Variants in XKR4 observed in about 807,000 individuals in gnomAD.
The protein encoded by XKR4 is XK related 4.
A neutral mutation model predicts 53.9 loss-of-function variants in XKR4; 12 were observed. The ratio of observed to expected loss-of-function variants is 0.22; its 90% CI spans 0.14 to 0.36. The LOEUF (loss-of-function observed/expected upper bound fraction) is 0.36, where lower values mean the gene tolerates loss of function less well. XKR4 is among the 10% of genes least tolerant of loss of function. XKR4 has a pLI of 1.00. For synonymous variants in XKR4, 354 were observed against 362.4 expected, an observed-to-expected ratio of 0.98 and a Z score of 0.26; for missense variants, 799 against 859.5, an observed-to-expected ratio of 0.93 and a Z score of 0.88.
chr8:55,502,779 G>GAAATCACTGCC (rs1480992596), intron 2 of XKR4, among the ~76,000 whole-genome samples: 2 of 152,048 alleles, frequency 1.3e-5, no homozygotes, highest in Non-Finnish European at 2.9e-5. Flanking sequence ...TCATACCCAA[G>GAAATCACTGCC]AAATCACTGC....
Position 55,512,685 on chromosome 8 carries a change from G to A in XKR4, c.1007-10596G>A, listed in dbSNP as rs141484142. ...CATTTATGAGAGGAAAGAATTGAGA[G>A]AGGGATGGAGAGAGGAGGAAAAAGT... On this transcript the variant is annotated intron_variant, in intron 2 of 2. Transcript: ENST00000327381. 3.6e-4 allele frequency among the ~76,000 whole-genome samples: 55 copies of A among 152,314 alleles called. No homozygotes were observed. In the East Asian group the frequency reaches 8.3e-3, roughly 23 times the overall value.
intron 2 of XKR4, among the ~76,000 whole-genome samples, chr8:55,393,775 G>C (rs552762772): frequency 6.6e-6 from 1 of 152,124 alleles, no homozygotes; most frequent in Non-Finnish European, 1.5e-5. Context: ...ATAAACAAAC[G>C]TCCCTTTTAA....
chr8:55,143,939 C>A (rs1239947878), intron 1 of XKR4, among the ~76,000 whole-genome samples: 1 of 152,206 alleles, frequency 6.6e-6, no homozygotes, highest in Non-Finnish European at 1.5e-5. Flanking sequence ...TCTTACCAGA[C>A]TTCTATCTCT....
At position 55,541,548 on chromosome 8, in the gene XKR4, C is replaced by G. The variant is rs930619566; in HGVS notation, c.*17321C>G. On this transcript the variant is annotated 3_prime_UTR_variant, in exon 3 of 3. Coordinates refer to ENST00000327381, the MANE Select transcript of XKR4 (RefSeq NM_052898.2). Reference sequence around the variant, plus strand: ...TGCAAAAATGCCATTCCTGTGCTTCCCCCTCCATTACAGAATAAGGTCCGA... The same window carrying G: ...TGCAAAAATGCCATTCCTGTGCTTCGCCCTCCATTACAGAATAAGGTCCGA... The G allele has an allele frequency of 6.6e-6, 1 of 152,088 alleles. No individual in the cohort carries two copies. The highest frequency in any genetic ancestry group is 2.4e-5 in the African/African-American group (1 of 41,398). 9.4% of individuals were successfully genotyped at this position (152,088 alleles called of 1,614,324 possible).
At chr8:55,469,695 G>A (rs1200820909) in intron 2 of XKR4, among the ~76,000 whole-genome samples, 3 of 152,048 alleles carry the variant, frequency 2.0e-5, no homozygotes, top group Non-Finnish European at 2.9e-5. Flanking sequence ...AGAGCTGTAC[G>A]GAATCTTGGG....
At chr8:55,165,420 A>G (rs764750413) in intron 1 of XKR4, among the ~76,000 whole-genome samples, 40 of 152,044 alleles carry the variant, frequency 2.6e-4, no homozygotes, top group Admixed American at 1.2e-3. Context: ...AGCAAATAAG[A>G]TATTTTTGCC....
At chr8:55,203,972 G>T (rs1240763558) in intron 1 of XKR4, among the ~76,000 whole-genome samples, 1 of 152,122 alleles carries the variant, frequency 6.6e-6, no homozygotes, top group African/African-American at 2.4e-5. Flanking sequence ...TACATAAAGT[G>T]AATCCATAGT....
chr8:55,468,683 C>A (rs969250231), intron 2 of XKR4, among the ~76,000 whole-genome samples: 1 of 152,094 alleles, frequency 6.6e-6, no homozygotes, highest in Non-Finnish European at 1.5e-5. Context: ...ATATAAGTTT[C>A]TTAAACCTTC....
At chr8:55,333,485 T>C (rs1369817941) in intron 1 of XKR4, among the ~76,000 whole-genome samples, 3 of 152,136 alleles carry the variant, frequency 2.0e-5, no homozygotes, top group Admixed American at 6.6e-5. Context: ...TTCCCCCATA[T>C]ACATGGCTGC....
intron 1 of XKR4, among the ~76,000 whole-genome samples, chr8:55,337,202 C>A (rs567184229): frequency 6.6e-6 from 1 of 152,110 alleles, no homozygotes; most frequent in Non-Finnish European, 1.5e-5. Context: ...GTGTCTCCTA[C>A]TACCAAAATT....
chr8:55,503,373 G>A (rs1806474081), intron 2 of XKR4, among the ~76,000 whole-genome samples: 1 of 151,770 alleles, frequency 6.6e-6, no homozygotes, highest in Non-Finnish European at 1.5e-5. Context: ...GCAACATTTT[G>A]TAGTTTTCAA....
intron 1 of XKR4, among the ~76,000 whole-genome samples, chr8:55,289,740 A>G (rs1349352261): frequency 7.1e-5 from 1 of 14,000 alleles, no homozygotes; most frequent in Non-Finnish European, 1.6e-3. Flanking sequence ...AAAGAAAGAA[A>G]GAAAAAGAAA....
intron 1 of XKR4, among the ~76,000 whole-genome samples, chr8:55,285,871 A>T (rs534936735): frequency 4.7e-4 from 71 of 152,340 alleles, no homozygotes; most frequent in African/African-American, 1.5e-3. Flanking sequence ...CTTGATGTCA[A>T]CCTATTACAC....
intron 1 of XKR4, among the ~76,000 whole-genome samples, chr8:55,152,900 A>C (rs1011303562): frequency 6.6e-6 from 1 of 152,204 alleles, no homozygotes. Context: ...GTGAAGTGTG[A>C]GCATTAAATG....
intron 1 of XKR4, among the ~76,000 whole-genome samples, chr8:55,238,663 G>A (rs761512545): frequency 5.4e-4 from 82 of 152,228 alleles, no homozygotes; most frequent in Non-Finnish European, 8.4e-4. Context: ...GTAGGGACAG[G>A]AGCCAGCCAC....
At chr8:55,411,100 G>A (rs1804771805) in intron 2 of XKR4, among the ~76,000 whole-genome samples, 1 of 152,162 alleles carries the variant, frequency 6.6e-6, no homozygotes, top group African/African-American at 2.4e-5. Context: ...ACGTGGTCTT[G>A]TACTAACATT....
At chr8:55,164,256 T>G (rs1185449471) in intron 1 of XKR4, 1 of 456,462 alleles carries the variant, frequency 2.2e-6, no homozygotes, top group Admixed American at 2.3e-5. Context: ...CTCCTCTTTC[T>G]CTGTCTCTCT....
intron 1 of XKR4, among the ~76,000 whole-genome samples, chr8:55,213,844 TTTTC>T (rs1227911924): frequency 7.2e-6 from 1 of 139,832 alleles, no homozygotes; most frequent in Non-Finnish European, 1.6e-5. Context: ...ATACTTCTTT[TTTTC>T]TTTCTTTCTT....
At chr8:55,203,191 CCCG>C (rs142269231) in intron 1 of XKR4, among the ~76,000 whole-genome samples, 4,589 of 152,270 alleles carry the variant, frequency 0.03, 241 homozygotes, top group African/African-American at 0.1. Context: ...AAAGCACTGG[CCCG>C]CCAAGCACGG....
Sources: allele counts gnomAD v4.1 joint callset (sites outside exome capture counted in the v4.1 genomes callset), GRCh38; gene constraint gnomAD v4.1.1; transcripts MANE v1.5; gene names NCBI Gene and HGNC (gene_info 2026-07-23, HGNC 2026-07-21).